The following SPSB1 variants were observed in gnomAD, a reference collection of about 807,000 sequenced individuals.
SPSB1 encodes the protein splA/ryanodine receptor domain and SOCS box containing 1, also known as SPRY domain-containing SOCS box protein 1.
In SPSB1, 8 loss-of-function variants were observed where a neutral mutation model predicts 21.2. The observed-to-expected ratio is 0.38, with a 90% CI of 0.22 to 0.68. The LOEUF (loss-of-function observed/expected upper bound fraction) is 0.68, where lower values mean the gene tolerates loss of function less well. Among genes scored for constraint, SPSB1 ranks in the 30% least tolerant of loss-of-function variants. The probability of loss-of-function intolerance (pLI) is 0.53; values close to 1 mark genes in which losing one functional copy is unlikely to be tolerated. For missense variants in SPSB1, 242 were observed against 377.8 expected, an observed-to-expected ratio of 0.64 and a Z score of 2.98; for synonymous variants, 169 against 161.7, an observed-to-expected ratio of 1.05 and a Z score of -0.34.
intron 1 of SPSB1, chr1:9,339,205 C>T: frequency 1.0e-6 from 1 of 985,416 alleles, no homozygotes; most frequent in Middle Eastern, 5.2e-4. Context: ...ACCTGTGGGG[C>T]TTTTCTCCTG....
intron 1 of SPSB1, among the ~76,000 whole-genome samples, chr1:9,307,911 G>A (rs1051142107): frequency 5.9e-5 from 9 of 152,036 alleles, no homozygotes; most frequent in Non-Finnish European, 8.8e-5. Flanking sequence ...CTCCCTCCTC[G>A]CCATGGTCCC....
chr1:9,341,646 A>G (rs1204569147), intron 1 of SPSB1, among the ~76,000 whole-genome samples: 1 of 152,136 alleles, frequency 6.6e-6, no homozygotes, highest in Non-Finnish European at 1.5e-5. Flanking sequence ...GATGTTTTCT[A>G]GCAGTTCGGA....
chr1:9,322,393 C>T (rs1044052123), intron 1 of SPSB1, among the ~76,000 whole-genome samples: 1 of 152,160 alleles, frequency 6.6e-6, no homozygotes. Flanking sequence ...GTCCGTGCCT[C>T]GCTCTCATTT....
intron 1 of SPSB1, among the ~76,000 whole-genome samples, chr1:9,310,309 C>T (rs900589133): frequency 5.3e-5 from 8 of 152,272 alleles, no homozygotes; most frequent in Admixed American, 6.5e-5. Flanking sequence ...ATTCAGACAA[C>T]GGTAATTTCT....
At chr1:9,303,014 CG>C (rs947070271) in intron 1 of SPSB1, among the ~76,000 whole-genome samples, 31 of 152,220 alleles carry the variant, frequency 2.0e-4, no homozygotes, top group African/African-American at 6.3e-4. Flanking sequence ...TTCCATTGAA[CG>C]GGGGGTAAGG....
At chr1:9,311,165 T>G (rs1434548370) in intron 1 of SPSB1, among the ~76,000 whole-genome samples, 8 of 151,432 alleles carry the variant, frequency 5.3e-5, no homozygotes, top group Non-Finnish European at 1.2e-4. Flanking sequence ...AAAGGGTTTT[T>G]TTTTTTTTTT....
chr1:9,341,351 C>T (rs1428683415), intron 1 of SPSB1, among the ~76,000 whole-genome samples: 1 of 152,216 alleles, frequency 6.6e-6, no homozygotes, highest in Admixed American at 6.5e-5. Context: ...CCGCCAGCAG[C>T]CCCTTCCCCT....
chr1:9,310,461 G>A (rs1639499115), intron 1 of SPSB1, among the ~76,000 whole-genome samples: 1 of 152,186 alleles, frequency 6.6e-6, no homozygotes, highest in Non-Finnish European at 1.5e-5. Flanking sequence ...GGGAGGCCGA[G>A]GCAGGCAGAT....
chr1:9,359,664 T>C (rs1317943360), intron 2 of SPSB1, among the ~76,000 whole-genome samples: 1 of 148,488 alleles, frequency 6.7e-6, no homozygotes. Context: ...ATTGCACCAC[T>C]GTACTCTAGC....
rs11591181 is a variant in SPSB1, at chr1:9,356,688, A to T, written c.694+103A>T. On this transcript the variant is annotated intron_variant, in intron 2 of 2. Transcript: ENST00000328089. This position sits in a 1 kb window ranked among gnomAD's most constrained non-coding sequence, Gnocchi z 7.4. ...GATTCATTGGAACTAGAGTGTTTTG[A>T]AGACGATATTCCAGTGTATTCAGAC... The T allele has an allele frequency of 0.15, 221,572 of 1,476,046 alleles. 17,768 individuals carry two copies. The highest frequency in any genetic ancestry group is 0.23 in the South Asian group (16,232 of 71,576). The allele number at this position is 1,476,046 out of a possible 1,614,324, so 91.4% of individuals were successfully genotyped here. A position where few individuals can be genotyped will look rare whatever the true frequency, so the allele number is the denominator to read the frequency against.
rs1332893977 is a variant in SPSB1, at chr1:9,317,431, G to A, written c.-150+24360G>A. ...TTGGTTTAGGTATCTGGGAGAAGGG[G>A]TGTGGGGGCGTGTGGTAGAGATTTT... On this transcript the variant is annotated intron_variant, in intron 1 of 2. Coordinates refer to ENST00000328089, the MANE Select transcript of SPSB1 (RefSeq NM_025106.4). The surrounding 1 kb of genome is among the most constrained non-coding windows in gnomAD (Gnocchi z 4.3). 2.6e-5 allele frequency among the ~76,000 whole-genome samples: 4 copies of A among 152,262 alleles called. No homozygotes were observed. Among genetic ancestry groups the A allele is most frequent in the Middle Eastern group, 3.4e-3 (1 of 294 alleles).
Position 9,356,066 on chromosome 1 carries a change from A to G in SPSB1, c.175A>G (p.Asn59Asp), listed in dbSNP as rs746626758. Reference protein sequence around the residue: ...DVQLLHSWNNNDRSLNVFVKE... With the variant: ...DVQLLHSWNNDDRSLNVFVKE... Reference sequence around the variant, plus strand: ...CCAGCTGCTGCATTCATGGAACAACAACGACCGATCGCTCAATGTCTTTGT... The same window carrying G: ...CCAGCTGCTGCATTCATGGAACAACGACGACCGATCGCTCAATGTCTTTGT... Residue 59 changes from asparagine (N) to aspartate (D), a missense_variant, in exon 2 of 3, where the codon AAC becomes GAC. Physicochemically the swap from Asn to Asp is conservative, Grantham distance 23. Coordinates refer to ENST00000328089, the MANE Select transcript of SPSB1 (RefSeq NM_025106.4). This position sits in a 1 kb window ranked among gnomAD's most constrained non-coding sequence, Gnocchi z 7.4. 1 of 1,613,630 alleles carries G rather than the reference A, an allele frequency of 6.2e-7. No homozygotes were observed. Among genetic ancestry groups the G allele is most frequent in the Non-Finnish European group, 8.5e-7 (1 of 1,179,772 alleles).
intron 2 of SPSB1, among the ~76,000 whole-genome samples, chr1:9,359,773 C>T (rs1162837286): frequency 7.1e-6 from 1 of 141,730 alleles, no homozygotes; most frequent in African/African-American, 2.6e-5. Context: ...AGAGTGGCCT[C>T]TGAGAGGCCA....
rs1265900776 is a variant in SPSB1, at chr1:9,293,269, G to A, written c.-150+198G>A. Among the ~76,000 whole-genome samples, 1 of 149,084 alleles carries A rather than the reference G, an allele frequency of 6.7e-6. No individual in the cohort carries two copies. Among genetic ancestry groups the A allele is most frequent in the Non-Finnish European group, 1.5e-5 (1 of 66,798 alleles). On this transcript the variant is annotated intron_variant, in intron 1 of 2. Transcript: ENST00000328089. This position sits in a 1 kb window ranked among gnomAD's most constrained non-coding sequence, Gnocchi z 5.1. ...GCGGCCCCTCCCGCGGTGGCTCCGG[G>A]GGCGCCTCCCTCGCCGCGGCTCCTG... is the stretch of plus-strand genomic sequence containing the variant.
intron 2 of SPSB1, among the ~76,000 whole-genome samples, chr1:9,357,704 G>A (rs1640396190): frequency 6.6e-6 from 1 of 152,218 alleles, no homozygotes; most frequent in South Asian, 2.1e-4. Context: ...GGGAAGGGGA[G>A]TGGCCTTTCT....
chr1:9,298,488 C>G (rs1639264629), intron 1 of SPSB1, among the ~76,000 whole-genome samples: 1 of 152,194 alleles, frequency 6.6e-6, no homozygotes, highest in Non-Finnish European at 1.5e-5. Context: ...GAAGCTGGAT[C>G]CCTTTGAAGA....
In SPSB1 at chr1:9,356,586, G is replaced by A. The variant is rs1640366533; in HGVS notation, c.694+1G>A. ...ATGCGCTACTTGAACGGACTCGATC[G>A]TAAGTGTCTCCTCTGCTGTCAGAGG... On this transcript the variant is annotated splice_donor_variant, in intron 2 of 2. Coordinates refer to ENST00000328089, the MANE Select transcript of SPSB1 (RefSeq NM_025106.4). LOFTEE classifies it high-confidence loss of function. This position sits in a 1 kb window ranked among gnomAD's most constrained non-coding sequence, Gnocchi z 7.4. 1 of 1,581,336 alleles carries A rather than the reference G, an allele frequency of 6.3e-7. No individual in the cohort carries two copies. Among genetic ancestry groups the A allele is most frequent in the Non-Finnish European group, 8.6e-7 (1 of 1,159,540 alleles).
chr1:9,361,700 AC>A (rs1337220778), intron 2 of SPSB1, among the ~76,000 whole-genome samples: 2 of 152,108 alleles, frequency 1.3e-5, no homozygotes, highest in Non-Finnish European at 2.9e-5. Flanking sequence ...GGCTCGAGGC[AC>A]AAGGCCTTGT....
At chr1:9,311,695 G>C (rs1192651983) in intron 1 of SPSB1, among the ~76,000 whole-genome samples, 4 of 152,122 alleles carry the variant, frequency 2.6e-5, no homozygotes, top group Admixed American at 2.0e-4. Flanking sequence ...AATAGATAAG[G>C]GTCAGCACCC....
Sources: allele counts gnomAD v4.1 joint callset (sites outside exome capture counted in the v4.1 genomes callset), GRCh38; gene constraint gnomAD v4.1.1; non-coding constraint Gnocchi (gnomAD v3.1); transcripts MANE v1.5; gene names NCBI Gene and HGNC (gene_info 2026-07-23, HGNC 2026-07-21).